INPP5E: variants seen among roughly 807,000 people sequenced by gnomAD.
The protein encoded by INPP5E is phosphatidylinositol polyphosphate 5-phosphatase type IV.
A neutral mutation model predicts 50.5 loss-of-function variants in INPP5E; 34 were observed. That is an observed-to-expected ratio of 0.67 (90% CI 0.51 to 0.90). The LOEUF (loss-of-function observed/expected upper bound fraction) is 0.90, where lower values mean the gene tolerates loss of function less well. INPP5E is among the 40% of genes least tolerant of loss of function. The pLI is 0.00. For missense variants in INPP5E, 942 were observed against 905.5 expected (o/e 1.04, Z -0.52); for synonymous variants, 447 against 406.0 (o/e 1.10, Z -1.21).
chr9:136,439,018 GCT>G lies in INPP5E; in HGVS notation c.400_401del (p.Ser134HisfsTer16). On this transcript the variant is annotated frameshift_variant, in exon 1 of 10. Coordinates refer to ENST00000371712, the MANE Select transcript of INPP5E (RefSeq NM_019892.6). LOFTEE classifies it high-confidence loss of function. The stretch of plus-strand genomic sequence containing the variant: ...ACTTGGGGATTTCCTGCAAGGAGGT[GCT>G]CAGGCAGGGCGGGGAGCAGCTGTGG... ...PAHSCSPPCL[S>X]TSLQEIPKSR... The G allele has an allele frequency of 6.3e-7, 1 of 1,586,560 alleles. No individual in the cohort carries two copies. Among genetic ancestry groups the G allele is most frequent in the Non-Finnish European group, 8.6e-7 (1 of 1,167,268 alleles).
At chr9:136,438,555 T>A in intron 1 of INPP5E, 53 bp downstream of exon 1, 1 of 1,458,830 alleles carries the variant, frequency 6.9e-7, no homozygotes, top group Non-Finnish European at 9.4e-7. Context: ...TCCAGCAGCC[T>A]GAACACTACA....
chr9:136,432,341 T>C (rs1052017170), intron 6 of INPP5E, 138 bp downstream of exon 6: 12 of 708,276 alleles, frequency 1.7e-5, no homozygotes, highest in African/African-American at 1.6e-4. Flanking sequence ...CGAGGGGCCA[T>C]GCGCTGGGGG....
Position 136,438,812 on chromosome 9 carries a change from G to C in INPP5E, c.608C>G (p.Ser203Cys), listed in dbSNP as rs1214397440. Residue 203 changes from serine (S) to cysteine (C), a missense_variant, in exon 1 of 10, where the codon TCC becomes TGC. Physicochemically the swap from Ser to Cys is moderately radical, Grantham distance 112. Coordinates refer to ENST00000371712, the MANE Select transcript of INPP5E (RefSeq NM_019892.6). ...PPPALSLDIA[S>C]DSLRTANKVD... Reference sequence around the variant, plus strand: ...CTTGTTTGCTGTCCTCAGGGAGTCGGAGGCGATGTCCAGGCTCAGGGCAGG... The same window carrying C: ...CTTGTTTGCTGTCCTCAGGGAGTCGCAGGCGATGTCCAGGCTCAGGGCAGG... The C allele has an allele frequency of 6.2e-7, 1 of 1,612,036 alleles. No homozygotes were observed. The highest frequency in any genetic ancestry group is 8.5e-7 in the Non-Finnish European group (1 of 1,179,662).
chr9:136,439,088 G>T lies in INPP5E; in HGVS notation c.332C>A (p.Pro111His). Reference sequence around the variant, plus strand: ...CTCGCTCTGCACTGAGCCCCTGGAGGGACTGGTCCCATTCCGGGCTTCCAG... The same window carrying T: ...CTCGCTCTGCACTGAGCCCCTGGAGTGACTGGTCCCATTCCGGGCTTCCAG... Reference protein sequence around the residue: ...EDLEARNGTSPSRGSVQSEGP... With the variant: ...EDLEARNGTSHSRGSVQSEGP... The change falls in exon 1 of 10, where the codon CCC (proline) becomes CAC (histidine). Residue 111 changes from proline to histidine, a missense_variant. Transcript: ENST00000371712. 1 of 1,576,554 alleles carries T rather than the reference G, an allele frequency of 6.3e-7. No homozygotes were observed. Among genetic ancestry groups the T allele is most frequent in the Non-Finnish European group, 8.6e-7 (1 of 1,162,406 alleles).
In INPP5E at chr9:136,433,484, G is replaced by A. The variant is rs1184718163; in HGVS notation, c.1035-205C>T. ...GGCCACAGGCCCCAGTTCCACTTGA[G>A]TGGCTCCCCTGGACCCCCGCCGAGA... On this transcript the variant is annotated intron_variant, in intron 3 of 9. Coordinates refer to ENST00000371712, the MANE Select transcript of INPP5E (RefSeq NM_019892.6). 2.6e-5 allele frequency among the ~76,000 whole-genome samples: 4 copies of A among 152,158 alleles called. 1 individual carries two copies. The highest frequency in any genetic ancestry group is 2.6e-4 in the Admixed American group (4 of 15,290).
At chr9:136,434,009 G>A (rs370997006) in intron 3 of INPP5E, 28 bp downstream of exon 3, 3 of 1,556,194 alleles carry the variant, frequency 1.9e-6, no homozygotes, top group Non-Finnish European at 2.6e-6. Context: ...CCCCTGGGCA[G>A]GCACTGCAGG....
intron 1 of INPP5E, 41 bp from the exon 2 acceptor site, chr9:136,434,904 C>T: frequency 6.3e-7 from 1 of 1,584,098 alleles, no homozygotes; most frequent in South Asian, 1.1e-5. Context: ...AGGCACAGGA[C>T]ACATCCCTGG....
chr9:136,437,187 C>G (rs1349896688), intron 1 of INPP5E: 1 of 152,284 alleles, frequency 6.6e-6, no homozygotes, highest in Non-Finnish European at 1.5e-5. Flanking sequence ...CCTGAGCCCA[C>G]CTGCCTGCTG....
Position 136,433,208 on chromosome 9 carries a change from C to T in INPP5E, c.1106G>A (p.Gly369Asp), listed in dbSNP as rs1388790286. ...HYVLLSSAAH[G>D]VLYMSLFIRR... ...GATGAAGAGCGACATGTAGAGCACGCCGTGGGCCGCCGAGGACAGCAGCAC... is the reference window on the plus strand; with the variant it reads ...GATGAAGAGCGACATGTAGAGCACGTCGTGGGCCGCCGAGGACAGCAGCAC... The change falls in exon 4 of 10, where the codon GGC becomes GAC. Residue 369 changes from glycine to aspartate, a missense_variant. Coordinates refer to ENST00000371712, the MANE Select transcript of INPP5E (RefSeq NM_019892.6). The T allele has an allele frequency of 3.8e-6, 6 of 1,588,964 alleles. No homozygotes were observed. Among genetic ancestry groups the T allele is most frequent in the South Asian group, 1.1e-5 (1 of 90,878 alleles).
rs747240016 is a variant in INPP5E, at chr9:136,433,146, C to CGCGCCCACCCCTCCAGCT, written c.1159+8_1159+9insAGCTGGAGGGGTGGGCGC. The CGCGCCCACCCCTCCAGCT allele has an allele frequency of 1.7e-3, 2,722 of 1,608,090 alleles. 37 individuals are homozygous for CGCGCCCACCCCTCCAGCT. In the African/African-American group the frequency reaches 0.032, roughly 19 times the overall value. Reference sequence around the variant, plus strand: ...TTCCAGCCGCGCCCACCCCTCCAGCCGCGCCCACCTGAGCAGAACCAGATG... The same window carrying CGCGCCCACCCCTCCAGCT: ...TTCCAGCCGCGCCCACCCCTCCAGCCGCGCCCACCCCTCCAGCTGCGCCCACCTGAGCAGAACCAGATG... On this transcript the variant is annotated intron_variant, in intron 4 of 9. Coordinates refer to ENST00000371712, the MANE Select transcript of INPP5E (RefSeq NM_019892.6).
rs556113882 is a variant in INPP5E at position 136,433,641 on chromosome 9, G to A, written c.1035-362C>T. Among the ~76,000 whole-genome samples the A allele has an allele frequency of 2.4e-3, 363 of 152,326 alleles. 2 individuals carry two copies. Among genetic ancestry groups the A allele is most frequent in the African/African-American group, 8.1e-3 (335 of 41,574 alleles). On this transcript the variant is annotated intron_variant, in intron 3 of 9. Coordinates refer to ENST00000371712, the MANE Select transcript of INPP5E (RefSeq NM_019892.6). ...TGTTCCCGCCATGACATGGGGGCCC[G>A]GGAGGCCTTGGGGCCCGGCCCTGCT...
At position 136,439,491 on chromosome 9, in the gene INPP5E, G is replaced by A. The variant is rs1183722402; in HGVS notation, c.-72C>T. ...GCGAGGGGTCACGGGTGCCGGGTCC[G>A]GGGTCGCCGGCGCAGCGAGGAGCAG... On this transcript the variant is annotated 5_prime_UTR_variant, in exon 1 of 10. Transcript: ENST00000371712. 28 of 1,172,428 alleles carry A rather than the reference G, an allele frequency of 2.4e-5. No homozygotes were observed. Among genetic ancestry groups the A allele is most frequent in the Admixed American group, 3.8e-5 (1 of 26,222 alleles). The allele number at this position is 1,172,428 out of a possible 1,614,324, so 72.6% of individuals were successfully genotyped here. A position where few individuals can be genotyped will look rare whatever the true frequency, so the allele number is the denominator to read the frequency against.
Position 136,433,043 on chromosome 9 carries a change from C to G in INPP5E, c.1192G>C (p.Val398Leu), listed in dbSNP as rs200033750. ...GCCCCCTTGGTCTTGATCTGAGACA[C>G]GATGCGTGTGGTCACCGTGGAGCAC... ...VECSTVTTRI[V>L]SQIKTKGALG... is the part of the protein sequence containing the mutation. Residue 398 changes from valine (V) to leucine (L), a missense_variant, in exon 5 of 10, where the codon GTG becomes CTG. Coordinates refer to ENST00000371712, the MANE Select transcript of INPP5E (RefSeq NM_019892.6). The G allele has an allele frequency of 1.9e-6, 3 of 1,613,164 alleles. No homozygotes were observed. The highest frequency in any genetic ancestry group is 1.1e-5 in the South Asian group (1 of 91,080).
rs1239490197 is a variant in INPP5E at position 136,433,121 on chromosome 9, T to TTCCAGCCGCGCCCACCCC, written c.1159+16_1159+33dup. ...AGCTCACCTGTGGGACGCTGCCACC[T>TTCCAGCCGCGCCCACCCC]TCCAGCCGCGCCCACCCCTCCAGCC... On this transcript the variant is annotated intron_variant, in intron 4 of 9. Transcript: ENST00000371712. 1.9e-3 allele frequency: 2,607 copies of TTCCAGCCGCGCCCACCCC among 1,357,690 alleles called. 36 individuals are homozygous for TTCCAGCCGCGCCCACCCC. In the African/African-American group the frequency reaches 0.023, roughly 12 times the overall value. The allele number at this position is 1,357,690 out of a possible 1,614,324, so 84.1% of individuals were successfully genotyped here. A position where few individuals can be genotyped will look rare whatever the true frequency, so the allele number is the denominator to read the frequency against.
chr9:136,434,220 C>A (rs1835778567), intron 2 of INPP5E, 86 bp from the exon 3 acceptor site: 8 of 889,710 alleles, frequency 9.0e-6, no homozygotes, highest in Middle Eastern at 2.1e-4. Flanking sequence ...GCCTTGAGTA[C>A]CAGCGACTCC....
intron 5 of INPP5E, 95 bp from the exon 6 acceptor site, chr9:136,432,681 C>T (rs1835737248): frequency 1.0e-6 from 1 of 966,192 alleles, no homozygotes; most frequent in Non-Finnish European, 1.6e-6. Flanking sequence ...GACTGCGCAC[C>T]CCCGGCAGAC....
intron 1 of INPP5E, 186 bp downstream of exon 1, chr9:136,438,422 A>G: frequency 1.6e-6 from 1 of 633,596 alleles, no homozygotes. Context: ...AACGCACAGG[A>G]AAAGTTCTGG....
Position 136,431,133 on chromosome 9 carries a change from C to A in INPP5E, c.1550-16G>T. 6.4e-7 allele frequency: 1 copy of A among 1,563,428 alleles called. No homozygotes were observed. The highest frequency in any genetic ancestry group is 8.8e-7 in the Non-Finnish European group (1 of 1,135,736). On this transcript the variant is annotated splice_polypyrimidine_tract_variant and intron_variant, in intron 7 of 9. Transcript: ENST00000371712. ...AAGATGGACCCTGCCACAGGATGGG[C>A]ACTCGGACTGGCTCAGACCAGCTTG... is the stretch of plus-strand genomic sequence containing the variant.
At chr9:136,438,517 G>T in intron 1 of INPP5E, 91 bp downstream of exon 1, 8 of 1,159,560 alleles carry the variant, frequency 6.9e-6, no homozygotes, top group Non-Finnish European at 1.0e-5. Context: ...CATCTTAAAC[G>T]CTGCTGATGG....
Sources: allele counts gnomAD v4.1 joint callset (sites outside exome capture counted in the v4.1 genomes callset), GRCh38; gene constraint gnomAD v4.1.1; transcripts MANE v1.5; gene names NCBI Gene and HGNC (gene_info 2026-07-23, HGNC 2026-07-21).